Variants in HSPBAP1 observed in about 807,000 individuals in gnomAD.
The protein encoded by HSPBAP1 is HSPB1-associated protein 1.
A neutral mutation model predicts 45.2 loss-of-function variants in HSPBAP1; 27 were observed. The observed-to-expected ratio is 0.60, with a 90% CI of 0.44 to 0.82. The LOEUF (loss-of-function observed/expected upper bound fraction) is 0.82, where lower values mean the gene tolerates loss of function less well. Ranked by LOEUF, HSPBAP1 falls within the 40% of genes least tolerant of loss-of-function variation. The pLI is 0.00. For missense variants in HSPBAP1, 510 were observed against 590.9 expected (o/e 0.86, Z 1.42); for synonymous variants, 204 against 202.7 (o/e 1.01, Z -0.06).
intron 5 of HSPBAP1, 83 bp downstream of exon 5, chr3:122,755,177 G>A: frequency 7.8e-7 from 1 of 1,282,228 alleles, no homozygotes. Context: ...GCGCAGGGAG[G>A]GGAAGCACAC....
chr3:122,771,190 T>C (rs531474963), intron 2 of HSPBAP1, among the ~76,000 whole-genome samples: 1 of 152,388 alleles, frequency 6.6e-6, no homozygotes, highest in African/African-American at 2.4e-5. Flanking sequence ...ACAGATCTTT[T>C]CATTTCCATA....
intron 6 of HSPBAP1, among the ~76,000 whole-genome samples, chr3:122,745,641 G>A (rs115761121): frequency 0.015 from 2,307 of 152,298 alleles, 64 homozygotes; most frequent in African/African-American, 0.051. Flanking sequence ...CACTGTCATG[G>A]TATTTGCAGT....
chr3:122,740,890 A>C lies in HSPBAP1; in HGVS notation c.937-15T>G, dbSNP rs377094204. The C allele has an allele frequency of 3.5e-5, 56 of 1,611,960 alleles. No individual in the cohort carries two copies. In the African/African-American group the frequency reaches 6.3e-4, roughly 18 times the overall value. Reference sequence around the variant, plus strand: ...GTTTCCTCAACCTAAGGGAAGAGAAAAACCTTTTAAAATGGTTACATACAT... The same window carrying C: ...GTTTCCTCAACCTAAGGGAAGAGAACAACCTTTTAAAATGGTTACATACAT... On this transcript the variant is annotated splice_polypyrimidine_tract_variant and intron_variant, in intron 7 of 7. Transcript: ENST00000306103.
chr3:122,753,647 G>A (rs550261054), intron 5 of HSPBAP1: 2 of 984,612 alleles, frequency 2.0e-6, no homozygotes, highest in Admixed American at 1.2e-4. Context: ...TGAAGCTTTT[G>A]GGCTTCACAT....
At chr3:122,743,710 G>A (rs1293371218) in intron 6 of HSPBAP1, among the ~76,000 whole-genome samples, 1 of 152,226 alleles carries the variant, frequency 6.6e-6, no homozygotes, top group African/African-American at 2.4e-5. Context: ...ATATATATGT[G>A]TGCATATGTG....
At position 122,747,578 on chromosome 3, in the gene HSPBAP1, G is replaced by T. The variant is rs1286961598; in HGVS notation, c.825+5013C>A. 1.0e-4 allele frequency among the ~76,000 whole-genome samples: 15 copies of T among 147,402 alleles called. No homozygotes were observed. The East Asian group carries it at 2.3e-3, about 22-fold the overall frequency. On this transcript the variant is annotated intron_variant, in intron 6 of 7. Coordinates refer to ENST00000306103, the MANE Select transcript of HSPBAP1 (RefSeq NM_024610.6). Reference sequence around the variant, plus strand: ...CCGGCCAGCCGCCCCGTCCGGGAGGGAGGTGGGGGGTCAGCGCCCCGCCCG... The same window carrying T: ...CCGGCCAGCCGCCCCGTCCGGGAGGTAGGTGGGGGGTCAGCGCCCCGCCCG...
intron 3 of HSPBAP1, among the ~76,000 whole-genome samples, chr3:122,766,123 C>T (rs1934772489): frequency 6.6e-6 from 1 of 152,170 alleles, no homozygotes; most frequent in South Asian, 2.1e-4. Context: ...CCAAAATGTA[C>T]AACAATCTAT....
chr3:122,754,259 C>T lies in HSPBAP1; in HGVS notation c.741+1001G>A, dbSNP rs528008295. 4 of 152,956 alleles carry T rather than the reference C, an allele frequency of 2.6e-5. No individual in the cohort carries two copies. In the Admixed American group the frequency reaches 2.6e-4, roughly 10 times the overall value. 9.5% of individuals were successfully genotyped at this position (152,956 alleles called of 1,614,324 possible). ...GTCCATCAACTGATGAACAGATAAACAAAATGTTGTATATCCATACAATGG... is the reference window on the plus strand; with the variant it reads ...GTCCATCAACTGATGAACAGATAAATAAAATGTTGTATATCCATACAATGG... On this transcript the variant is annotated intron_variant, in intron 5 of 7. Transcript: ENST00000306103.
intron 1 of HSPBAP1, among the ~76,000 whole-genome samples, chr3:122,779,761 C>T (rs2107533720): frequency 6.6e-6 from 1 of 151,508 alleles, no homozygotes; most frequent in South Asian, 2.1e-4. Flanking sequence ...CATCTTGCAC[C>T]GCCCTTAATC....
In HSPBAP1 at chr3:122,755,338, A is replaced by G. The variant is rs780195287; in HGVS notation, c.663T>C (p.Asn221=). Residue 221 remains asparagine (N), a synonymous_variant, in exon 5 of 8, where the codon AAT becomes AAC. Coordinates refer to ENST00000306103, the MANE Select transcript of HSPBAP1 (RefSeq NM_024610.6). ...AACGCTTTAAATCAGGATTGACAAC[A>G]TTGATTTTACTGAACACACTAGATT... ...YEESSVFSKI[N]VVNPDLKRFP... is the part of the protein sequence containing the mutation. 15 of 1,607,202 alleles carry G rather than the reference A, an allele frequency of 9.3e-6. No individual in the cohort carries two copies. The East Asian group carries it at 2.5e-4, about 27-fold the overall frequency.
At chr3:122,760,980 A>G (rs1934561516) in intron 3 of HSPBAP1, among the ~76,000 whole-genome samples, 1 of 152,162 alleles carries the variant, frequency 6.6e-6, no homozygotes, top group Non-Finnish European at 1.5e-5. Context: ...CCATAAACAG[A>G]GCCTTTCAAT....
chr3:122,786,155 G>C (rs1393013015), intron 1 of HSPBAP1, among the ~76,000 whole-genome samples: 4 of 151,874 alleles, frequency 2.6e-5, no homozygotes, highest in Non-Finnish European at 5.9e-5. Context: ...AGTCTAGACT[G>C]TTATTAATTC....
chr3:122,773,558 C>T (rs773147414), intron 2 of HSPBAP1, among the ~76,000 whole-genome samples: 14 of 151,948 alleles, frequency 9.2e-5, no homozygotes, highest in East Asian at 5.8e-4. Context: ...TCAGGTAATC[C>T]GCCCACCTTG....
In HSPBAP1 at chr3:122,768,770, G is replaced by C; in HGVS notation, c.363C>G (p.Ser121=). 6.2e-7 allele frequency: 1 copy of C among 1,612,262 alleles called. No homozygotes were observed. Among genetic ancestry groups the C allele is most frequent in the Non-Finnish European group, 8.5e-7 (1 of 1,178,348 alleles). ...ISGPFRDYDH[S]KFWAYADYKY... ...TATAGTCAGCATAAGCCCAGAACTT[G>C]GAATGGTCATAATCTCTAAATGGTC... The change falls in exon 3 of 8, where the codon TCC becomes TCG. Residue 121 remains serine, a synonymous_variant. Coordinates refer to ENST00000306103, the MANE Select transcript of HSPBAP1 (RefSeq NM_024610.6).
intron 2 of HSPBAP1, among the ~76,000 whole-genome samples, chr3:122,775,830 T>C (rs918747678): frequency 2.6e-5 from 4 of 152,232 alleles, no homozygotes; most frequent in African/African-American, 9.6e-5. Context: ...ATGTTCATAG[T>C]AGCATTATCT....
At position 122,741,061 on chromosome 3, in the gene HSPBAP1, C is replaced by A; in HGVS notation, c.878G>T (p.Cys293Phe). The change falls in exon 7 of 8, where the codon TGT becomes TTT. Residue 293 changes from cysteine to phenylalanine, a missense_variant. By Grantham distance (205) the Cys-to-Phe change is radical. Coordinates refer to ENST00000306103, the MANE Select transcript of HSPBAP1 (RefSeq NM_024610.6). Reference protein sequence around the residue: ...VEEAITRMLVCALKTAENPQN... With the variant: ...VEEAITRMLVFALKTAENPQN... ...TGGATTCTCTGCAGTTTTCAGGGCA[C>A]ACACAAGCATACGGGTGATTGCCTC... 1 of 1,614,166 alleles carries A rather than the reference C, an allele frequency of 6.2e-7. No homozygotes were observed. The highest frequency in any genetic ancestry group is 2.2e-5 in the East Asian group (1 of 44,886).
At chr3:122,785,031 C>A (rs1935607664) in intron 1 of HSPBAP1, among the ~76,000 whole-genome samples, 1 of 152,094 alleles carries the variant, frequency 6.6e-6, no homozygotes, top group Admixed American at 6.6e-5. Context: ...TTATCAGGTC[C>A]CCTCAGTCCA....
chr3:122,744,334 T>G (rs1313191469), intron 6 of HSPBAP1, among the ~76,000 whole-genome samples: 1 of 152,208 alleles, frequency 6.6e-6, no homozygotes, highest in Non-Finnish European at 1.5e-5. Flanking sequence ...AGTATGTGAT[T>G]CATGAAAGCA....
At chr3:122,781,791 G>T (rs371579722) in intron 1 of HSPBAP1, among the ~76,000 whole-genome samples, 2 of 152,154 alleles carry the variant, frequency 1.3e-5, no homozygotes, top group East Asian at 3.9e-4. Context: ...CAAGGGAAAT[G>T]ATTTTGTTCT....
Sources: allele counts gnomAD v4.1 joint callset (sites outside exome capture counted in the v4.1 genomes callset), GRCh38; gene constraint gnomAD v4.1.1; transcripts MANE v1.5; gene names NCBI Gene and HGNC (gene_info 2026-07-23, HGNC 2026-07-21).